The following NEGR1 variants were observed in gnomAD, a reference collection of about 807,000 sequenced individuals.
NEGR1 encodes neuronal growth regulator 1.
In NEGR1, 10 loss-of-function variants were observed where a neutral mutation model predicts 40.9. The observed-to-expected ratio is 0.24, with a 90% CI of 0.15 to 0.42. The LOEUF is 0.42. Ranked by LOEUF, NEGR1 falls within the 10% of genes least tolerant of loss-of-function variation. The probability of loss-of-function intolerance (pLI) is 1.00; values close to 1 mark genes in which losing one functional copy is unlikely to be tolerated. For synonymous variants in NEGR1, 185 were observed against 166.8 expected, an observed-to-expected ratio of 1.11 and a Z score of -0.84; for missense variants, 352 against 438.9, an observed-to-expected ratio of 0.80 and a Z score of 1.77.
chr1:71,450,309 G>T (rs1033256721), intron 6 of NEGR1, among the ~76,000 whole-genome samples: 4 of 152,036 alleles, frequency 2.6e-5, no homozygotes, highest in African/African-American at 9.6e-5. Context: ...TTATTTACAA[G>T]CAAACTATCT....
chr1:71,821,927 C>T (rs539141350), intron 2 of NEGR1, among the ~76,000 whole-genome samples: 10 of 152,096 alleles, frequency 6.6e-5, no homozygotes, highest in African/African-American at 2.4e-4. Flanking sequence ...AGCACTATTG[C>T]ACCAGCAACT....
chr1:71,718,125 TG>T lies in NEGR1; in HGVS notation c.536-19987del, dbSNP rs368252987. Among the ~76,000 whole-genome samples, 639 of 152,332 alleles carry T rather than the reference TG, an allele frequency of 4.2e-3. 6 individuals are homozygous for T. The highest frequency in any genetic ancestry group is 0.015 in the African/African-American group (608 of 41,570). On this transcript the variant is annotated intron_variant, in intron 3 of 6. Coordinates refer to ENST00000357731, the MANE Select transcript of NEGR1 (RefSeq NM_173808.3). ...TAAAGGCGAATCATGGCTGTTAAGA[TG>T]TATTACTGATATAGTTTGAGTATTT...
chr1:72,281,827 A>G (rs562043901), intron 1 of NEGR1, among the ~76,000 whole-genome samples: 75 of 152,258 alleles, frequency 4.9e-4, no homozygotes, highest in African/African-American at 1.7e-3. Context: ...AAAGAAAGAA[A>G]ACAGAAAGCG....
At chr1:72,276,613 C>G (rs1045986119) in intron 1 of NEGR1, among the ~76,000 whole-genome samples, 1 of 151,992 alleles carries the variant, frequency 6.6e-6, no homozygotes, top group Non-Finnish European at 1.5e-5. Context: ...GATTATAAAG[C>G]CTCTTCTTTT....
intron 2 of NEGR1, among the ~76,000 whole-genome samples, chr1:71,878,733 A>G (rs568057091): frequency 6.6e-6 from 1 of 152,166 alleles, no homozygotes; most frequent in African/African-American, 2.4e-5. Flanking sequence ...TATTTAAAAT[A>G]TTTGTTATGC....
chr1:72,226,894 A>G (rs1479841273), intron 1 of NEGR1, among the ~76,000 whole-genome samples: 4 of 152,064 alleles, frequency 2.6e-5, no homozygotes, highest in African/African-American at 9.7e-5. Flanking sequence ...TAGTTCAATT[A>G]TTGTCATATT....
chr1:72,061,979 T>A (rs942622783), intron 1 of NEGR1, among the ~76,000 whole-genome samples: 1 of 151,838 alleles, frequency 6.6e-6, no homozygotes, highest in Non-Finnish European at 1.5e-5. Flanking sequence ...CTACCAGAGA[T>A]CATTTTCCAT....
intron 3 of NEGR1, among the ~76,000 whole-genome samples, chr1:71,727,633 A>G (rs980190493): frequency 2.0e-5 from 3 of 152,194 alleles, no homozygotes; most frequent in Non-Finnish European, 2.9e-5. Flanking sequence ...CAAGCATAAC[A>G]GAAAATAAAT....
intron 3 of NEGR1, among the ~76,000 whole-genome samples, chr1:71,745,072 C>T (rs1448956649): frequency 6.6e-6 from 1 of 152,158 alleles, no homozygotes; most frequent in Non-Finnish European, 1.5e-5. Flanking sequence ...TCTTATCCTT[C>T]TTCCTTGAAA....
At chr1:71,932,198 A>T (rs574797405) in intron 2 of NEGR1, among the ~76,000 whole-genome samples, 1 of 152,246 alleles carries the variant, frequency 6.6e-6, no homozygotes, top group Non-Finnish European at 1.5e-5. Context: ...GTGTTCAATA[A>T]AAGTTATAAA....
chr1:71,657,633 C>T (rs2101587793), intron 4 of NEGR1, among the ~76,000 whole-genome samples: 1 of 152,240 alleles, frequency 6.6e-6, no homozygotes, highest in Admixed American at 6.5e-5. Context: ...CAGGAGAAGG[C>T]AGCAGATGCC....
intron 1 of NEGR1, among the ~76,000 whole-genome samples, chr1:72,208,947 A>T (rs532250970): frequency 6.6e-6 from 1 of 151,784 alleles, no homozygotes; most frequent in Admixed American, 6.6e-5. Flanking sequence ...AAAAATAGAA[A>T]AAAATATTGT....
chr1:71,736,947 G>T (rs1216564626), intron 3 of NEGR1, among the ~76,000 whole-genome samples: 1 of 152,128 alleles, frequency 6.6e-6, no homozygotes, highest in Non-Finnish European at 1.5e-5. Flanking sequence ...ATTTTGGATG[G>T]GCTCTGTAAG....
At chr1:71,811,256 ATAT>A (rs1417643440) in intron 2 of NEGR1, among the ~76,000 whole-genome samples, 4 of 152,086 alleles carry the variant, frequency 2.6e-5, no homozygotes, top group Admixed American at 2.0e-4. Flanking sequence ...ATTGTGCCAC[ATAT>A]TATTTATTTT....
chr1:71,620,420 C>A (rs773321322), intron 4 of NEGR1, among the ~76,000 whole-genome samples: 33 of 151,806 alleles, frequency 2.2e-4, no homozygotes, highest in Non-Finnish European at 4.7e-4. Context: ...ACAGAGAATA[C>A]AAAATATAAG....
intron 2 of NEGR1, chr1:71,794,262 T>TA (rs760034930): frequency 1.8e-4 from 27 of 152,076 alleles, no homozygotes; most frequent in Non-Finnish European, 2.8e-4. Flanking sequence ...TTTACAGAAT[T>TA]AAAAAATTCA....
At chr1:71,999,174 T>C (rs1226708224) in intron 1 of NEGR1, among the ~76,000 whole-genome samples, 1 of 151,942 alleles carries the variant, frequency 6.6e-6, no homozygotes. Context: ...CACAAAATTA[T>C]AGGGCTGAAA....
chr1:72,235,291 A>G (rs1654511802), intron 1 of NEGR1, among the ~76,000 whole-genome samples: 1 of 152,064 alleles, frequency 6.6e-6, no homozygotes, highest in Non-Finnish European at 1.5e-5. Context: ...AGCGCTTGTG[A>G]AGAGTGGTGG....
chr1:72,001,432 A>T (rs1399624499), intron 1 of NEGR1, among the ~76,000 whole-genome samples: 1 of 151,856 alleles, frequency 6.6e-6, no homozygotes, highest in Non-Finnish European at 1.5e-5. Flanking sequence ...CCATTGAATC[A>T]GATCTGCATT....
Sources: gnomAD v4.1 joint callset for allele counts (sites outside exome capture counted in the v4.1 genomes callset) on GRCh38, gnomAD v4.1.1 for gene constraint, MANE v1.5 for transcripts, NCBI Gene and HGNC (gene_info 2026-07-23, HGNC 2026-07-21) for gene names.